CCNY: variants seen among roughly 807,000 people sequenced by gnomAD.
The protein encoded by CCNY is cyclin-Y.
CCNY carries 19 observed loss-of-function variants against 42.8 expected under a neutral mutation model. The observed-to-expected ratio is 0.44, with a 90% CI of 0.31 to 0.65. CCNY has a LOEUF of 0.65. Ranked by LOEUF, CCNY falls within the 30% of genes least tolerant of loss-of-function variation. The probability of loss-of-function intolerance (pLI) is 0.07; values close to 1 mark genes in which losing one functional copy is unlikely to be tolerated. For synonymous variants in CCNY, 165 were observed against 162.7 expected (o/e 1.01, Z -0.11); for missense variants, 370 against 437.3 (o/e 0.85, Z 1.37).
chr10:35,278,777 T>TCCC (rs1835266745), intron 3 of CCNY, among the ~76,000 whole-genome samples: 1 of 152,106 alleles, frequency 6.6e-6, no homozygotes, highest in Non-Finnish European at 1.5e-5. Flanking sequence ...TTGAGGGCCT[T>TCCC]CCCAGTAAGT....
intron 7 of CCNY, among the ~76,000 whole-genome samples, chr10:35,541,935 T>C (rs936595263): frequency 6.6e-6 from 1 of 151,154 alleles, no homozygotes; most frequent in Admixed American, 6.6e-5. Flanking sequence ...TTGTGTCTAG[T>C]TGTCGTTACC....
At chr10:35,431,700 G>A (rs762398598) in intron 1 of CCNY, among the ~76,000 whole-genome samples, 3 of 151,960 alleles carry the variant, frequency 2.0e-5, no homozygotes, top group East Asian at 1.9e-4. Context: ...AGCCATGCTC[G>A]TTTTGTTGGG....
At chr10:35,398,422 C>A (rs1837571681) in intron 1 of CCNY, among the ~76,000 whole-genome samples, 1 of 152,216 alleles carries the variant, frequency 6.6e-6, no homozygotes, top group African/African-American at 2.4e-5. Context: ...GCAGCCTGTG[C>A]TAATCCTCTC....
At chr10:35,441,740 C>T (rs529376668) in intron 1 of CCNY, among the ~76,000 whole-genome samples, 4 of 152,112 alleles carry the variant, frequency 2.6e-5, no homozygotes, top group South Asian at 4.2e-4. Flanking sequence ...GAGTGAGGCC[C>T]TGTATGAAAA....
At chr10:35,342,782 TC>T in intron 1 of CCNY, among the ~76,000 whole-genome samples, 2 of 152,266 alleles carry the variant, frequency 1.3e-5, no homozygotes, top group Non-Finnish European at 2.9e-5. Flanking sequence ...TGCGGAAGGT[TC>T]CTCAGTTTGT....
intron 1 of CCNY, among the ~76,000 whole-genome samples, chr10:35,435,940 G>A (rs1290010783): frequency 1.3e-5 from 2 of 152,324 alleles, no homozygotes; most frequent in African/African-American, 4.8e-5. Context: ...AGTTCGGAAG[G>A]AGGAAGTTAA....
chr10:35,255,964 G>A (rs1346326687), intron 3 of CCNY, among the ~76,000 whole-genome samples: 1 of 152,040 alleles, frequency 6.6e-6, no homozygotes, highest in Admixed American at 6.6e-5. Context: ...TTTGTCAATT[G>A]TAACTTTAAA....
chr10:35,400,267 G>T (rs1273720487), intron 1 of CCNY, among the ~76,000 whole-genome samples: 2 of 151,314 alleles, frequency 1.3e-5, no homozygotes, highest in African/African-American at 2.4e-5. Context: ...CTAGCACAGT[G>T]CAGGGGGCGG....
At chr10:35,388,742 C>T (rs542993706) in intron 1 of CCNY, among the ~76,000 whole-genome samples, 4 of 152,334 alleles carry the variant, frequency 2.6e-5, no homozygotes, top group African/African-American at 9.6e-5. Flanking sequence ...TTATACTTCT[C>T]TAGTTTAGAA....
At chr10:35,516,661 CTTTTTTTTTTTTTT>C (rs35268084) in intron 4 of CCNY, 38 bp downstream of exon 4, 34 of 327,600 alleles carry the variant, frequency 1.0e-4, no homozygotes, top group Middle Eastern at 6.2e-4. Context: ...TCCTTCCTTC[CTTTTTTTTTTTTTT>C]TTTTTTTTTT....
chr10:35,478,511 C>T (rs1589147587), intron 1 of CCNY, among the ~76,000 whole-genome samples: 1 of 152,150 alleles, frequency 6.6e-6, no homozygotes, highest in East Asian at 1.9e-4. Context: ...TGATCTTTGA[C>T]AAACCTGAGA....
At chr10:35,332,677 T>G (rs1380267770), upstream of CCNY, among the ~76,000 whole-genome samples, 2 of 152,170 alleles carry the variant, frequency 1.3e-5, no homozygotes, top group Non-Finnish European at 2.9e-5. Flanking sequence ...CGATCTCGGC[T>G]CACTGCAACC....
intron 1 of CCNY, among the ~76,000 whole-genome samples, chr10:35,376,456 C>CAATGG (rs1837054162): frequency 6.6e-6 from 1 of 152,180 alleles, no homozygotes; most frequent in Admixed American, 6.5e-5. Context: ...TATATCCATA[C>CAATGG]AATGGGATAC....
chr10:35,338,016 A>G (rs1564373171), intron 1 of CCNY, among the ~76,000 whole-genome samples: 5 of 152,242 alleles, frequency 3.3e-5, no homozygotes, highest in Admixed American at 2.6e-4. Context: ...CTCAGTGATA[A>G]CGACAGAGGG....
In CCNY at chr10:35,392,721, C is replaced by T. The variant is rs112460004; in HGVS notation, c.154+55514C>T. On this transcript the variant is annotated intron_variant, in intron 1 of 9. Transcript: ENST00000374704. ...CCAGTCCTCAGAGCTGTACAGTCAC[C>T]GCAGAGTTGGGAGTGGAGAAGTGAC... Among the ~76,000 whole-genome samples the T allele has an allele frequency of 7.0e-3, 1,059 of 152,192 alleles. 4 individuals are homozygous for T. Among genetic ancestry groups the T allele is most frequent in the African/African-American group, 0.02 (848 of 41,532 alleles).
chr10:35,386,519 T>C (rs1241115007), intron 1 of CCNY, among the ~76,000 whole-genome samples: 1 of 152,262 alleles, frequency 6.6e-6, no homozygotes, highest in Non-Finnish European at 1.5e-5. Flanking sequence ...TATCCCATTA[T>C]GTCAGTTTCC....
chr10:35,375,886 G>C (rs1444367872), intron 1 of CCNY, among the ~76,000 whole-genome samples: 1 of 152,182 alleles, frequency 6.6e-6, no homozygotes, highest in African/African-American at 2.4e-5. Context: ...ACACACTGAG[G>C]TGAGAAGTAA....
intron 3 of CCNY, among the ~76,000 whole-genome samples, chr10:35,309,829 T>C (rs1002623277): frequency 4.6e-5 from 7 of 152,166 alleles, no homozygotes; most frequent in African/African-American, 1.7e-4. Flanking sequence ...AGACAGAGTC[T>C]CGCTCTGTCG....
intron 3 of CCNY, among the ~76,000 whole-genome samples, chr10:35,326,246 GAGA>G (rs898549266): frequency 6.6e-6 from 1 of 152,038 alleles, no homozygotes; most frequent in African/African-American, 2.4e-5. Context: ...TTTTTCAATG[GAGA>G]AGACTATGGT....
Sources: allele counts gnomAD v4.1 joint callset (sites outside exome capture counted in the v4.1 genomes callset), GRCh38; gene constraint gnomAD v4.1.1; transcripts MANE v1.5; gene names NCBI Gene and HGNC (gene_info 2026-07-23, HGNC 2026-07-21).